Variants in MCC observed in about 807,000 individuals in gnomAD.
The protein encoded by MCC is colorectal mutant cancer protein.
Under a neutral mutation model 116.2 loss-of-function variants are expected in MCC, and 90 were observed. That is an observed-to-expected ratio of 0.77 (90% CI 0.65 to 0.92). The LOEUF is 0.92. Ranked by LOEUF, MCC falls within the 40% of genes least tolerant of loss-of-function variation. MCC has a pLI of 0.00. For missense variants in MCC, 1,516 were observed against 1,312.2 expected (o/e 1.16, Z -2.40); for synonymous variants, 578 against 510.5 (o/e 1.13, Z -1.78).
intron 3 of MCC, among the ~76,000 whole-genome samples, chr5:113,190,736 G>A (rs906074153): frequency 9.2e-5 from 14 of 152,342 alleles, no homozygotes; most frequent in African/African-American, 3.4e-4. Context: ...GGTGGTGCCA[G>A]GAGAACCCAG....
chr5:113,075,928 C>T (rs550884459), intron 11 of MCC, among the ~76,000 whole-genome samples: 62 of 152,290 alleles, frequency 4.1e-4, no homozygotes, highest in Middle Eastern at 3.4e-3. Context: ...ACTCCAGATG[C>T]GCCCCCTTTA....
intron 12 of MCC, among the ~76,000 whole-genome samples, 171 bp downstream of exon 12, chr5:113,070,923 C>T (rs1409317614): frequency 1.3e-5 from 2 of 152,192 alleles, no homozygotes; most frequent in Non-Finnish European, 2.9e-5. Context: ...TACCTGTTTA[C>T]TAACATCATA....
At chr5:113,283,340 C>T (rs1318220556) in intron 3 of MCC, among the ~76,000 whole-genome samples, 1 of 152,098 alleles carries the variant, frequency 6.6e-6, no homozygotes, top group Non-Finnish European at 1.5e-5. Context: ...AAAAGCCAAA[C>T]CAGATTTAAA....
At chr5:113,300,363 G>C (rs1389171502) in intron 3 of MCC, among the ~76,000 whole-genome samples, 1 of 152,052 alleles carries the variant, frequency 6.6e-6, no homozygotes, top group East Asian at 1.9e-4. Flanking sequence ...CTCTAAAATT[G>C]TCCCCTTCTC....
intron 2 of MCC, among the ~76,000 whole-genome samples, chr5:113,349,774 A>C (rs1293283714): frequency 6.6e-6 from 1 of 152,090 alleles, no homozygotes; most frequent in East Asian, 1.9e-4. Flanking sequence ...ATAGGATATT[A>C]TCTTATATTT....
intron 1 of MCC, among the ~76,000 whole-genome samples, chr5:113,479,569 C>T (rs962995868): frequency 6.6e-6 from 1 of 151,152 alleles, no homozygotes; most frequent in African/African-American, 2.4e-5. Flanking sequence ...CAAATTGTCT[C>T]CCATGTTACT....
chr5:113,043,521 G>T lies in MCC; in HGVS notation c.2756+9C>A, dbSNP rs536837019. 6.2e-7 allele frequency: 1 copy of T among 1,612,508 alleles called. No individual in the cohort carries two copies. Among genetic ancestry groups the T allele is most frequent in the East Asian group, 2.2e-5 (1 of 44,872 alleles). ...TAAACACCAGCTGGGGTGGGGAAAGGGTGCTTACCGACGAATGGCGTTGGT... is the reference window on the plus strand; with the variant it reads ...TAAACACCAGCTGGGGTGGGGAAAGTGTGCTTACCGACGAATGGCGTTGGT... On this transcript the variant is annotated intron_variant, in intron 17 of 18. Coordinates refer to ENST00000408903, the MANE Select transcript of MCC (RefSeq NM_001085377.2).
intron 15 of MCC, among the ~76,000 whole-genome samples, chr5:113,052,375 A>C (rs1326150700): frequency 6.6e-6 from 1 of 152,014 alleles, no homozygotes; most frequent in Non-Finnish European, 1.5e-5. Flanking sequence ...TGAGAGGTGG[A>C]ATCAGCCAAA....
At chr5:113,360,754 A>T (rs1724660554) in intron 2 of MCC, among the ~76,000 whole-genome samples, 1 of 152,240 alleles carries the variant, frequency 6.6e-6, no homozygotes, top group South Asian at 2.1e-4. Context: ...ACGTGTCTGC[A>T]GCATCTATAG....
At chr5:113,385,862 T>C (rs1364032272) in intron 1 of MCC, among the ~76,000 whole-genome samples, 1 of 152,132 alleles carries the variant, frequency 6.6e-6, no homozygotes, top group African/African-American at 2.4e-5. Flanking sequence ...AGATTTAATG[T>C]AAATGTGTGC....
At chr5:113,437,603 CA>C (rs1770900489) in intron 1 of MCC, among the ~76,000 whole-genome samples, 2 of 152,288 alleles carry the variant, frequency 1.3e-5, no homozygotes, top group South Asian at 4.1e-4. Flanking sequence ...CATAGACATA[CA>C]AAACACCTGG....
chr5:113,337,593 C>T (rs915326688), intron 3 of MCC, among the ~76,000 whole-genome samples: 61 of 152,220 alleles, frequency 4.0e-4, no homozygotes, highest in African/African-American at 1.5e-3. Context: ...GTTTTCTTTA[C>T]CCTTAGTAGG....
At chr5:113,253,326 T>C (rs925577451) in intron 3 of MCC, among the ~76,000 whole-genome samples, 1 of 152,142 alleles carries the variant, frequency 6.6e-6, no homozygotes, top group African/African-American at 2.4e-5. Context: ...CCTATCAGGG[T>C]GGTGGCACGG....
chr5:113,238,409 T>C (rs1193159022), intron 3 of MCC, among the ~76,000 whole-genome samples: 1 of 152,202 alleles, frequency 6.6e-6, no homozygotes, highest in African/African-American at 2.4e-5. Flanking sequence ...TATTTCCTAT[T>C]TGGCAATTAT....
At chr5:113,202,046 C>T (rs1004617731) in intron 3 of MCC, among the ~76,000 whole-genome samples, 12 of 152,142 alleles carry the variant, frequency 7.9e-5, no homozygotes, top group African/African-American at 2.7e-4. Flanking sequence ...GCAAGCTTTC[C>T]TTTACCACAC....
intron 3 of MCC, among the ~76,000 whole-genome samples, chr5:113,265,319 C>T (rs771460780): frequency 6.6e-6 from 1 of 152,106 alleles, no homozygotes; most frequent in African/African-American, 2.4e-5. Flanking sequence ...TTATCCCAAC[C>T]CAACCTGGTA....
At chr5:113,134,555 CTTTTTTTTTTT>C in intron 5 of MCC, among the ~76,000 whole-genome samples, 6 of 30,126 alleles carry the variant, frequency 2.0e-4, no homozygotes, top group Admixed American at 9.1e-4. Context: ...GCTATTTGGG[CTTTTTTTTTTT>C]TTTTTTTTTT....
intron 6 of MCC, among the ~76,000 whole-genome samples, chr5:113,116,219 T>A (rs921869024): frequency 1.3e-5 from 2 of 152,210 alleles, no homozygotes; most frequent in Admixed American, 6.5e-5. Flanking sequence ...TGAGAGGATT[T>A]CCACGCCACC....
In MCC at chr5:113,082,899, T is replaced by C; in HGVS notation, c.1745A>G (p.Lys582Arg). The C allele has an allele frequency of 6.2e-7, 1 of 1,614,224 alleles. No homozygotes were observed. The highest frequency in any genetic ancestry group is 8.5e-7 in the Non-Finnish European group (1 of 1,180,036). ...TGTTTCCACCTCAAACTCTCTAATCTTGCTTTCTGAGATGGCAGATCCGTG... is the reference window on the plus strand; with the variant it reads ...TGTTTCCACCTCAAACTCTCTAATCCTGCTTTCTGAGATGGCAGATCCGTG... ...YSHGSAISES[K>R]IREFEVETER... Residue 582 changes from lysine to arginine, a missense_variant, in exon 11 of 19, where the codon AAG becomes AGG. Physicochemically the swap from Lys to Arg is conservative, Grantham distance 26. Coordinates refer to ENST00000408903, the MANE Select transcript of MCC (RefSeq NM_001085377.2).
Sources: allele counts gnomAD v4.1 joint callset (sites outside exome capture counted in the v4.1 genomes callset), GRCh38; gene constraint gnomAD v4.1.1; transcripts MANE v1.5; gene names NCBI Gene and HGNC (gene_info 2026-07-23, HGNC 2026-07-21).